Variants in PIWIL1 observed in about 807,000 individuals in gnomAD.
The protein encoded by PIWIL1 is piwi-like protein 1.
A neutral mutation model predicts 114.4 loss-of-function variants in PIWIL1; 73 were observed. The ratio of observed to expected loss-of-function variants is 0.64; its 90% confidence interval spans 0.53 to 0.78. PIWIL1 has a LOEUF of 0.78. Ranked by LOEUF, PIWIL1 falls within the 30% of genes least tolerant of loss-of-function variation. The probability of loss-of-function intolerance (pLI) is 0.00; values close to 1 mark genes in which losing one functional copy is unlikely to be tolerated. For synonymous variants in PIWIL1, 375 were observed against 369.0 expected (o/e 1.02, Z -0.19); for missense variants, 723 against 1,063.1 (o/e 0.68, Z 4.45).
chr12:130,355,657 G>A lies in PIWIL1; in HGVS notation c.1394G>A (p.Gly465Asp), dbSNP rs2136161150. 4.3e-6 allele frequency: 7 copies of A among 1,611,048 alleles called. No individual in the cohort carries two copies. The highest frequency in any genetic ancestry group is 5.9e-6 in the Non-Finnish European group (7 of 1,177,116). Reference protein sequence around the residue: ...RILQTEKIHQGGKTFDYNPQF... With the variant: ...RILQTEKIHQDGKTFDYNPQF... ...TTGCAAACAGAAAAGATTCACCAAG[G>A]TGGAAAAACAGTAAGGCAGTTTTTC... Residue 465 changes from glycine to aspartate, a missense_variant, in exon 12 of 21, where the codon GGT (glycine) becomes GAT (aspartate). By Grantham distance (94) the Gly-to-Asp change is moderately conservative (BLOSUM62 -1). Coordinates refer to ENST00000245255, the MANE Select transcript of PIWIL1 (RefSeq NM_004764.5).
At chr12:130,392,060 CCGG>C in the PIWIL1 span, among the ~76,000 whole-genome samples, 89 of 124,260 alleles carry the variant, frequency 7.2e-4, 3 homozygotes, top group African/African-American at 2.5e-3. Context: ...TTGTGATGAC[CCGG>C]TCACCGTCAT....
the PIWIL1 span, chr12:130,414,091 C>G: frequency 6.2e-7 from 1 of 1,611,288 alleles, no homozygotes; most frequent in Non-Finnish European, 8.5e-7. Context: ...GCCTCAGGGG[C>G]TGATGAAGCC....
At chr12:130,376,513 C>A (rs1437893818), downstream of PIWIL1, among the ~76,000 whole-genome samples, 3 of 152,160 alleles carry the variant, frequency 2.0e-5, no homozygotes, top group African/African-American at 7.2e-5. Context: ...TCTGGTTGAA[C>A]TGGTGTTTCA....
chr12:130,369,782 T>A (rs957002900), intron 19 of PIWIL1, among the ~76,000 whole-genome samples: 1 of 152,234 alleles, frequency 6.6e-6, no homozygotes, highest in Non-Finnish European at 1.5e-5. Flanking sequence ...ATTCTGGATA[T>A]TAGACTTTTG....
chr12:130,401,423 A>T, the PIWIL1 span, among the ~76,000 whole-genome samples: 1 of 152,026 alleles, frequency 6.6e-6, no homozygotes, highest in East Asian at 1.9e-4. Flanking sequence ...CCAATTTTAG[A>T]TAAATTTTAT....
rs537617679 is a variant in PIWIL1, at chr12:130,367,149, A to G, written c.2212A>G (p.Ile738Val). 3.7e-6 allele frequency: 6 copies of G among 1,614,154 alleles called. No homozygotes were observed. In the South Asian group the frequency reaches 6.6e-5, roughly 18 times the overall value. Reference sequence around the variant, plus strand: ...ATTTTTAAGCCCTAGACTAACGGTAATTGTGGTGAAGAAAAGAGTGAACAC... The same window carrying G: ...ATTTTTAAGCCCTAGACTAACGGTAGTTGTGGTGAAGAAAAGAGTGAACAC... ...GRGYNPRLTVIVVKKRVNTRF... is the reference protein window; with the variant it reads ...GRGYNPRLTVVVVKKRVNTRF... Residue 738 changes from isoleucine (I) to valine (V), a missense_variant, in exon 19 of 21, where the codon ATT (isoleucine) becomes GTT (valine). Coordinates refer to ENST00000245255, the MANE Select transcript of PIWIL1 (RefSeq NM_004764.5).
the PIWIL1 span, chr12:130,396,548 C>T: frequency 5.9e-5 from 9 of 152,736 alleles, no homozygotes; most frequent in Non-Finnish European, 1.0e-4. Context: ...ATGTGGATTA[C>T]TTGTGTGCCA....
intron 18 of PIWIL1, 38 bp from the exon 19 acceptor site, chr12:130,367,095 A>C (rs551812814): frequency 6.2e-7 from 1 of 1,609,298 alleles, no homozygotes; most frequent in African/African-American, 1.3e-5. Flanking sequence ...TGAAAATATG[A>C]CTGGCTAAAT....
the PIWIL1 span, among the ~76,000 whole-genome samples, chr12:130,415,911 T>C: frequency 6.6e-6 from 1 of 152,042 alleles, no homozygotes; most frequent in African/African-American, 2.4e-5. Flanking sequence ...CACCAATAAA[T>C]TGTTCAAGCT....
intron 1 of PIWIL1, chr12:130,339,423 C>T (rs978551813): frequency 6.6e-6 from 1 of 152,242 alleles, no homozygotes; most frequent in Non-Finnish European, 1.5e-5. Context: ...ATGTACCGCT[C>T]AACGGTTTTT....
At chr12:130,340,371 C>T (rs944384973) in intron 1 of PIWIL1, among the ~76,000 whole-genome samples, 8 of 152,034 alleles carry the variant, frequency 5.3e-5, no homozygotes, top group Non-Finnish European at 1.0e-4. Context: ...AATTTTTCCA[C>T]GGACCGGTGA....
chr12:130,342,778 A>C, intron 2 of PIWIL1, 109 bp downstream of exon 2: 1 of 861,274 alleles, frequency 1.2e-6, no homozygotes, highest in Non-Finnish European at 1.9e-6. Context: ...GGAAGTGAGC[A>C]AGGGAGATCA....
At chr12:130,354,217 A>T (rs1178036848) in intron 9 of PIWIL1, among the ~76,000 whole-genome samples, 2 of 152,150 alleles carry the variant, frequency 1.3e-5, no homozygotes, top group Non-Finnish European at 2.9e-5. Context: ...AGAGTTACAC[A>T]GACTACTGTT....
intron 1 of PIWIL1, chr12:130,339,768 A>T (rs1277978887): frequency 6.6e-6 from 1 of 152,142 alleles, no homozygotes; most frequent in Non-Finnish European, 1.5e-5. Context: ...AATCAGCTGG[A>T]GGGCTGCTTC....
chr12:130,363,242 A>ACTTG (rs1465626316), intron 18 of PIWIL1, 98 bp downstream of exon 18: 1 of 1,232,966 alleles, frequency 8.1e-7, no homozygotes, highest in East Asian at 2.3e-5. Flanking sequence ...GGAGAACCTA[A>ACTTG]CTTGATAGGG....
At chr12:130,363,248 T>G (rs780620312) in intron 18 of PIWIL1, 104 bp downstream of exon 18, 5 of 1,109,612 alleles carry the variant, frequency 4.5e-6, no homozygotes, top group African/African-American at 1.5e-5. Context: ...CCTAACTTGA[T>G]AGGGACTGTA....
Position 130,371,185 on chromosome 12 carries a change from T to C in PIWIL1, c.2331T>C (p.Phe777=), listed in dbSNP as rs1565959301. 6.2e-7 allele frequency: 1 copy of C among 1,614,134 alleles called. No homozygotes were observed. The change falls in exon 20 of 21, where the codon TTT becomes TTC. Residue 777 remains phenylalanine, a synonymous_variant. Transcript: ENST00000245255. ...TTTTCTGTAATTCCAGGTATGACTT[T>C]TTTATCGTGAGCCAGGCTGTGAGAA... is the stretch of plus-strand genomic sequence containing the variant. ...VEVTRPEWYD[F]FIVSQAVRSG...
intron 18 of PIWIL1, among the ~76,000 whole-genome samples, chr12:130,363,506 T>A (rs1489968095): frequency 1.3e-5 from 2 of 152,170 alleles, no homozygotes; most frequent in African/African-American, 4.8e-5. Flanking sequence ...AGTCTTAGCT[T>A]ACTGAATACT....
intron 16 of PIWIL1, 69 bp from the exon 17 acceptor site, chr12:130,362,697 G>A (rs2073547248): frequency 1.5e-6 from 2 of 1,328,958 alleles, no homozygotes; most frequent in Non-Finnish European, 2.2e-6. Context: ...AATAAATATA[G>A]AATAATTCAG....
Sources: gnomAD v4.1 joint callset for allele counts (sites outside exome capture counted in the v4.1 genomes callset) on GRCh38, gnomAD v4.1.1 for gene constraint, MANE v1.5 for transcripts, NCBI Gene and HGNC (gene_info 2026-07-23, HGNC 2026-07-21) for gene names.